The following CNTNAP2 variants were observed in gnomAD, a reference collection of about 807,000 sequenced individuals.
CNTNAP2 encodes the protein contactin-associated protein-like 2.
CNTNAP2 carries 98 observed loss-of-function variants against 155.2 expected under a neutral mutation model. The observed-to-expected ratio is 0.63, with a 90% CI of 0.54 to 0.75. The LOEUF is 0.75. Among genes scored for constraint, CNTNAP2 ranks in the 30% least tolerant of loss-of-function variants. CNTNAP2 has a pLI of 0.00. For missense variants in CNTNAP2, 1,727 were observed against 1,688.1 expected, an observed-to-expected ratio of 1.02 and a Z score of -0.40; for synonymous variants, 651 against 631.2, an observed-to-expected ratio of 1.03 and a Z score of -0.47.
intron 1 of CNTNAP2, among the ~76,000 whole-genome samples, chr7:146,312,724 C>T (rs1800845897): frequency 6.6e-6 from 1 of 152,132 alleles, no homozygotes; most frequent in Non-Finnish European, 1.5e-5. Flanking sequence ...CTTCCCTCCA[C>T]TCCTAGTTTC....
chr7:146,712,176 G>A, intron 1 of CNTNAP2, among the ~76,000 whole-genome samples: 1 of 105,494 alleles, frequency 9.5e-6, no homozygotes, highest in Admixed American at 9.1e-5. Flanking sequence ...ATACAAATAT[G>A]TATACATATC....
chr7:147,248,599 AGTTT>A (rs1804119060), intron 8 of CNTNAP2, among the ~76,000 whole-genome samples: 1 of 152,200 alleles, frequency 6.6e-6, no homozygotes, highest in Non-Finnish European at 1.5e-5. Flanking sequence ...CTGTCATGGC[AGTTT>A]GTCATTAGTA....
intron 21 of CNTNAP2, among the ~76,000 whole-genome samples, chr7:148,278,109 CGAG>C (rs992859647): frequency 1.1e-4 from 16 of 152,070 alleles, no homozygotes; most frequent in African/African-American, 3.6e-4. Context: ...AATCCATAGT[CGAG>C]GAGAAGAGAA....
chr7:147,929,834 G>A (rs981905618), intron 14 of CNTNAP2, among the ~76,000 whole-genome samples: 1 of 152,188 alleles, frequency 6.6e-6, no homozygotes, highest in Non-Finnish European at 1.5e-5. Context: ...ACCAGGGTTG[G>A]TGGGGGATGG....
intron 1 of CNTNAP2, among the ~76,000 whole-genome samples, chr7:146,148,903 A>G (rs1039778862): frequency 1.7e-4 from 26 of 152,042 alleles, no homozygotes; most frequent in African/African-American, 6.0e-4. Flanking sequence ...CTCTCTGCCT[A>G]TGAGTATAGT....
Position 146,542,525 on chromosome 7 carries a change from A to G in CNTNAP2, c.98-231746A>G, listed in dbSNP as rs73741742. On this transcript the variant is annotated intron_variant, in intron 1 of 23. Transcript: ENST00000361727. ...TTGAAAATTCAGACCAATCCCTGCTAAGGCCATCTTATCAGGTAATTTTGG... is the reference window on the plus strand; with the variant it reads ...TTGAAAATTCAGACCAATCCCTGCTGAGGCCATCTTATCAGGTAATTTTGG... 9.7e-3 allele frequency among the ~76,000 whole-genome samples: 1,468 copies of G among 152,020 alleles called. 16 individuals are homozygous for G. The highest frequency in any genetic ancestry group is 0.033 in the African/African-American group (1,381 of 41,498).
intron 14 of CNTNAP2, among the ~76,000 whole-genome samples, chr7:147,975,821 A>G (rs1801418192): frequency 6.6e-6 from 1 of 152,184 alleles, no homozygotes; most frequent in South Asian, 2.1e-4. Context: ...TGATTGAGTT[A>G]CACAACAGTT....
chr7:147,713,720 G>C (rs1437288756), intron 13 of CNTNAP2, among the ~76,000 whole-genome samples: 1 of 152,090 alleles, frequency 6.6e-6, no homozygotes, highest in East Asian at 1.9e-4. Flanking sequence ...CTGCTAAACT[G>C]TTTTCTATGG....
chr7:147,802,224 C>A (rs1221793446), intron 13 of CNTNAP2, among the ~76,000 whole-genome samples: 3 of 148,986 alleles, frequency 2.0e-5, no homozygotes, highest in African/African-American at 7.5e-5. Flanking sequence ...GATGGGCGGC[C>A]GGGAAGAGAC....
chr7:146,239,477 A>G (rs1799525836), intron 1 of CNTNAP2, among the ~76,000 whole-genome samples: 1 of 152,158 alleles, frequency 6.6e-6, no homozygotes, highest in African/African-American at 2.4e-5. Flanking sequence ...TTCTCAGTAA[A>G]AAAATAATGT....
At chr7:146,400,848 G>T (rs1795704037) in intron 1 of CNTNAP2, among the ~76,000 whole-genome samples, 1 of 152,190 alleles carries the variant, frequency 6.6e-6, no homozygotes, top group African/African-American at 2.4e-5. Flanking sequence ...GAATAACTTT[G>T]CAGGAATGAC....
chr7:146,589,129 T>C (rs1798743339), intron 1 of CNTNAP2, among the ~76,000 whole-genome samples: 1 of 152,152 alleles, frequency 6.6e-6, no homozygotes, highest in South Asian at 2.1e-4. Flanking sequence ...AGAAAGCTTT[T>C]GGAATGTTTT....
chr7:147,967,355 C>G (rs1304164018), intron 14 of CNTNAP2, among the ~76,000 whole-genome samples: 1 of 152,170 alleles, frequency 6.6e-6, no homozygotes, highest in Non-Finnish European at 1.5e-5. Context: ...TTCTTAAACT[C>G]TAGAGTATCG....
intron 13 of CNTNAP2, among the ~76,000 whole-genome samples, chr7:147,862,533 T>G (rs1279164621): frequency 6.6e-6 from 1 of 152,146 alleles, no homozygotes; most frequent in Non-Finnish European, 1.5e-5. Flanking sequence ...ATAGGAGAAC[T>G]TCCTAGGGTT....
At chr7:146,665,847 T>C (rs1412960677) in intron 1 of CNTNAP2, among the ~76,000 whole-genome samples, 2 of 147,902 alleles carry the variant, frequency 1.4e-5, no homozygotes, top group East Asian at 1.9e-4. Flanking sequence ...ACTTTTAAAA[T>C]TATATTGTCT....
At chr7:148,220,756 A>C (rs1795734712) in intron 19 of CNTNAP2, among the ~76,000 whole-genome samples, 1 of 152,166 alleles carries the variant, frequency 6.6e-6, no homozygotes, top group Non-Finnish European at 1.5e-5. Context: ...TGAAAACAGT[A>C]AGTAAAATCA....
chr7:148,170,566 A>T (rs942268538), intron 17 of CNTNAP2, among the ~76,000 whole-genome samples: 1 of 152,220 alleles, frequency 6.6e-6, no homozygotes, highest in African/African-American at 2.4e-5. Flanking sequence ...GCTTTGATCA[A>T]AAAAGGCACT....
rs187902710 is a variant in CNTNAP2, at chr7:146,491,861, C to A, written c.98-282410C>A. On this transcript the variant is annotated intron_variant, in intron 1 of 23. Transcript: ENST00000361727. ...TTTCCAGAAAAAGGTAATTCATCTTCTATTATGTGTCTGCTTGTGAGAATT... is the reference window on the plus strand; with the variant it reads ...TTTCCAGAAAAAGGTAATTCATCTTATATTATGTGTCTGCTTGTGAGAATT... Among the ~76,000 whole-genome samples the A allele has an allele frequency of 4.7e-4, 72 of 152,158 alleles. 3 individuals carry two copies. In the East Asian group the frequency reaches 0.012, roughly 25 times the overall value.
At chr7:146,991,822 A>G (rs1192316630) in intron 3 of CNTNAP2, among the ~76,000 whole-genome samples, 1 of 152,172 alleles carries the variant, frequency 6.6e-6, no homozygotes, top group African/African-American at 2.4e-5. Context: ...TGATTTGTGT[A>G]TTTAGAACTT....
Sources: gnomAD v4.1 joint callset for allele counts (sites outside exome capture counted in the v4.1 genomes callset) on GRCh38, gnomAD v4.1.1 for gene constraint, MANE v1.5 for transcripts, NCBI Gene and HGNC (gene_info 2026-07-23, HGNC 2026-07-21) for gene names.